The following COTL1 variants were observed in gnomAD, a reference collection of about 807,000 sequenced individuals.
COTL1 encodes coactosin-like protein.
COTL1 carries 15 observed loss-of-function variants against 16.5 expected under a neutral mutation model. The observed-to-expected ratio is 0.91, with a 90% CI of 0.61 to 1.40. The LOEUF is 1.40. COTL1 is among the 40% of genes most tolerant of loss of function. The pLI, the probability that COTL1 is intolerant of heterozygous loss-of-function variation, is 0.00. For synonymous variants in COTL1, 112 were observed against 85.3 expected (o/e 1.31, Z -1.73); for missense variants, 220 against 201.5 (o/e 1.09, Z -0.56).
chr16:84,579,422 G>A (rs1441072892), intron 3 of COTL1, among the ~76,000 whole-genome samples: 1 of 152,148 alleles, frequency 6.6e-6, no homozygotes, highest in Non-Finnish European at 1.5e-5. Context: ...ACGAGGCAGA[G>A]GTTGCTGTGA....
intron 2 of COTL1, among the ~76,000 whole-genome samples, chr16:84,599,830 C>T (rs12051056): frequency 0.22 from 34,004 of 151,994 alleles, 3,990 homozygotes; most frequent in South Asian, 0.3. Context: ...CTCCCTGGAG[C>T]GAGGATGAAA....
chr16:84,598,654 C>CG (rs1470469171), intron 2 of COTL1, among the ~76,000 whole-genome samples: 1 of 72,866 alleles, frequency 1.4e-5, no homozygotes. Flanking sequence ...CTTCTCCCCC[C>CG]CAACCCCCCC....
chr16:84,613,267 C>T (rs906771770), intron 2 of COTL1, among the ~76,000 whole-genome samples: 21 of 151,960 alleles, frequency 1.4e-4, no homozygotes, highest in Non-Finnish European at 2.6e-4. Flanking sequence ...CCCAAAGTGC[C>T]GGGATTACAG....
At chr16:84,571,895 T>A (rs956525324) in intron 3 of COTL1, among the ~76,000 whole-genome samples, 9 of 152,156 alleles carry the variant, frequency 5.9e-5, no homozygotes, top group African/African-American at 2.2e-4. Flanking sequence ...TCAGGCCGCA[T>A]GGAGGGGGTA....
intron 3 of COTL1, among the ~76,000 whole-genome samples, chr16:84,581,705 A>G (rs1227393150): frequency 6.6e-6 from 1 of 152,042 alleles, no homozygotes; most frequent in African/African-American, 2.4e-5. Flanking sequence ...AGAGTTCCCC[A>G]TGTTGGCCTG....
Position 84,590,002 on chromosome 16 carries a change from C to T in COTL1, c.318+103G>A. On this transcript the variant is annotated intron_variant, in intron 3 of 3. Coordinates refer to ENST00000262428, the MANE Select transcript of COTL1 (RefSeq NM_021149.5). The surrounding 1 kb of genome is among the most constrained non-coding windows in gnomAD (Gnocchi z 5.5). ...ACATAGCATGGCTTGTCCCAAGTCA[C>T]AGCTAAGCTACAGACCCAGGAGTCG... 1 of 1,186,292 alleles carries T rather than the reference C, an allele frequency of 8.4e-7. No individual in the cohort carries two copies. The highest frequency in any genetic ancestry group is 1.2e-6 in the Non-Finnish European group (1 of 838,040). The allele number at this position is 1,186,292 out of a possible 1,614,324, so 73.5% of individuals were successfully genotyped here.
intron 3 of COTL1, among the ~76,000 whole-genome samples, chr16:84,582,384 T>C (rs1256330549): frequency 6.6e-6 from 1 of 152,122 alleles, no homozygotes; most frequent in Non-Finnish European, 1.5e-5. Flanking sequence ...GCTCAAGCAA[T>C]CCACCTGCTC....
intron 2 of COTL1, among the ~76,000 whole-genome samples, chr16:84,593,377 G>A (rs1179680309): frequency 6.6e-6 from 1 of 152,268 alleles, no homozygotes; most frequent in Non-Finnish European, 1.5e-5. Context: ...GAGACCCCGA[G>A]GGGTGAGGGC....
At chr16:84,593,517 T>TG (rs1176802200) in intron 2 of COTL1, among the ~76,000 whole-genome samples, 1 of 142,618 alleles carries the variant, frequency 7.0e-6, no homozygotes, top group African/African-American at 2.6e-5. Context: ...TTTAACCACT[T>TG]TTTTTTTTTT....
chr16:84,617,234 G>C (rs1905511660), intron 2 of COTL1, among the ~76,000 whole-genome samples: 1 of 152,226 alleles, frequency 6.6e-6, no homozygotes, highest in African/African-American at 2.4e-5. Flanking sequence ...AAAACCAGTG[G>C]ACCGCAGGGG....
chr16:84,600,384 C>G lies in COTL1; in HGVS notation c.161-10122G>C, dbSNP rs1443913196. ...CTGCAGTGCCGTGGCACGATCTCAG[C>G]TTACTGCAACCTCCGCCTCCTGGGT... On this transcript the variant is annotated intron_variant, in intron 2 of 3. Coordinates refer to ENST00000262428, the MANE Select transcript of COTL1 (RefSeq NM_021149.5). 2.7e-5 allele frequency among the ~76,000 whole-genome samples: 4 copies of G among 148,838 alleles called. No homozygotes were observed. In the East Asian group the frequency reaches 7.9e-4, roughly 30 times the overall value.
chr16:84,597,399 T>C (rs2967861), intron 2 of COTL1, among the ~76,000 whole-genome samples: 145,658 of 152,242 alleles, frequency 0.96, 69,800 homozygotes, highest in Middle Eastern at 0.99. Context: ...GCCACACAAT[T>C]CTCCCTGCCC....
At chr16:84,567,145 T>C (rs771608751) in intron 3 of COTL1, 190 bp from the exon 4 acceptor site, 35 of 548,724 alleles carry the variant, frequency 6.4e-5, no homozygotes, top group Non-Finnish European at 1.2e-4. Context: ...AGCAGAGTCA[T>C]CTGGCAGAAA....
chr16:84,582,991 G>A (rs1904634118), intron 3 of COTL1, among the ~76,000 whole-genome samples: 2 of 152,204 alleles, frequency 1.3e-5, no homozygotes, highest in Admixed American at 6.5e-5. Flanking sequence ...GGAAGATCGA[G>A]AATCAGGAAA....
chr16:84,578,050 G>A (rs567707423), intron 3 of COTL1, among the ~76,000 whole-genome samples: 4 of 152,034 alleles, frequency 2.6e-5, no homozygotes, highest in East Asian at 1.9e-4. Context: ...TCCTCTCTCC[G>A]GTGTCCACAG....
chr16:84,601,049 G>C (rs1198961147), intron 2 of COTL1, among the ~76,000 whole-genome samples: 1 of 152,076 alleles, frequency 6.6e-6, no homozygotes, highest in Non-Finnish European at 1.5e-5. Context: ...AGGCTCTGAG[G>C]ACCTTATTAC....
intron 3 of COTL1, 168 bp from the exon 4 acceptor site, chr16:84,567,123 T>C: frequency 6.8e-6 from 4 of 585,674 alleles, no homozygotes. Context: ...GCAGAGTCAA[T>C]GGAAATTGAA....
intron 2 of COTL1, among the ~76,000 whole-genome samples, chr16:84,607,368 C>T (rs1905234640): frequency 6.6e-6 from 1 of 152,074 alleles, no homozygotes; most frequent in Non-Finnish European, 1.5e-5. Flanking sequence ...AGCTGAGAGC[C>T]TCGGACACAG....
At chr16:84,592,364 G>A (rs9938676) in intron 2 of COTL1, among the ~76,000 whole-genome samples, 451 of 152,300 alleles carry the variant, frequency 3.0e-3, no homozygotes, top group African/African-American at 0.01. Context: ...CATTCACCTT[G>A]TATTAGCCAC....
Sources: gnomAD v4.1 joint callset for allele counts (sites outside exome capture counted in the v4.1 genomes callset) on GRCh38, gnomAD v4.1.1 for gene constraint, Gnocchi (gnomAD v3.1) non-coding constraint, MANE v1.5 for transcripts, NCBI Gene and HGNC (gene_info 2026-07-23, HGNC 2026-07-21) for gene names.